DLGAP2: variants seen among roughly 807,000 people sequenced by gnomAD.
DLGAP2 encodes the protein DLG associated protein 2, also known as disks large-associated protein 2.
In DLGAP2, 26 loss-of-function variants were observed where a neutral mutation model predicts 100.3. The observed-to-expected ratio is 0.26, with a 90% CI of 0.19 to 0.36. The LOEUF (loss-of-function observed/expected upper bound fraction) is 0.36, where lower values mean the gene tolerates loss of function less well. Among genes scored for constraint, DLGAP2 ranks in the 10% least tolerant of loss-of-function variants. The pLI, the probability that DLGAP2 is intolerant of heterozygous loss-of-function variation, is 1.00. For synonymous variants in DLGAP2, 886 were observed against 630.1 expected, an observed-to-expected ratio of 1.41 and a Z score of -6.08; for missense variants, 1,858 against 1,453.2, an observed-to-expected ratio of 1.28 and a Z score of -4.53.
intron 2 of DLGAP2, among the ~76,000 whole-genome samples, chr8:1,093,764 C>T (rs969521783): frequency 2.6e-5 from 4 of 152,010 alleles, no homozygotes; most frequent in Admixed American, 6.6e-5. Flanking sequence ...TCTCTGGGCA[C>T]CATGGCCCAC....
chr8:1,358,062 G>A (rs1282815024), intron 3 of DLGAP2, among the ~76,000 whole-genome samples: 1 of 152,302 alleles, frequency 6.6e-6, no homozygotes, highest in South Asian at 2.1e-4. Flanking sequence ...AGGAGTGGGG[G>A]CACAGGCAGC....
At chr8:1,301,626 A>G (rs11783349) in intron 3 of DLGAP2, 60,641 of 152,076 alleles carry the variant, frequency 0.4, 12,452 homozygotes, top group East Asian at 0.55. Context: ...GGGAGAGGGT[A>G]GAGGATAAGG....
chr8:1,346,817 G>A (rs1010625235), intron 3 of DLGAP2, among the ~76,000 whole-genome samples: 1 of 151,500 alleles, frequency 6.6e-6, no homozygotes, highest in Non-Finnish European at 1.5e-5. Context: ...TGGAGGTTGC[G>A]TTCCCATACA....
chr8:782,978 C>T (rs907196668), intron 1 of DLGAP2, among the ~76,000 whole-genome samples: 2 of 152,176 alleles, frequency 1.3e-5, no homozygotes, highest in African/African-American at 4.8e-5. Context: ...GGATGGACGG[C>T]TGTGTCTGCA....
chr8:1,441,252 A>G (rs75149438), intron 3 of DLGAP2, among the ~76,000 whole-genome samples: 1 of 152,194 alleles, frequency 6.6e-6, no homozygotes, highest in East Asian at 1.9e-4. Context: ...TTAATTATGT[A>G]TATACTGCTT....
At position 1,586,654 on chromosome 8, in the gene DLGAP2, C is replaced by T. The variant is rs559916380; in HGVS notation, c.1442+20760C>T. Among the ~76,000 whole-genome samples the T allele has an allele frequency of 6.0e-4, 91 of 152,286 alleles. No homozygotes were observed. In the South Asian group the frequency reaches 0.015, roughly 25 times the overall value. On this transcript the variant is annotated intron_variant, in intron 6 of 14. Transcript: ENST00000637795. ...GTGGAAGGCCCTAGGGGTCAGAGTC[C>T]CGCCTGCAGAGGTACCACGTGCGTC...
Position 1,417,346 on chromosome 8 carries a change from T to C in DLGAP2, c.107-84020T>C, listed in dbSNP as rs79683292. Among the ~76,000 whole-genome samples the C allele has an allele frequency of 6.1e-3, 922 of 152,020 alleles. 13 individuals are homozygous for C. Among genetic ancestry groups the C allele is most frequent in the African/African-American group, 0.021 (850 of 41,304 alleles). On this transcript the variant is annotated intron_variant, in intron 3 of 14. Transcript: ENST00000637795. ...TCGACAGCATCTCACCGCATGTTCA[T>C]AGAAGCCCTTGAAGCTAGCAGCACT... is the stretch of plus-strand genomic sequence containing the variant.
intron 3 of DLGAP2, among the ~76,000 whole-genome samples, chr8:1,375,122 T>TTCTCAAATAAGACA: frequency 6.9e-6 from 1 of 144,324 alleles, no homozygotes; most frequent in Non-Finnish European, 1.5e-5. Context: ...ACATTTGGGT[T>TTCTCAAATAAGACA]AACGACACCT....
At chr8:749,051 A>G (rs1381206129) in intron 1 of DLGAP2, among the ~76,000 whole-genome samples, 1 of 152,156 alleles carries the variant, frequency 6.6e-6, no homozygotes, top group Non-Finnish European at 1.5e-5. Context: ...CCAGGCTGGA[A>G]TGCAGGGGCA....
chr8:1,108,969 G>A (rs180675900), intron 2 of DLGAP2, among the ~76,000 whole-genome samples: 25 of 140,684 alleles, frequency 1.8e-4, no homozygotes, highest in African/African-American at 6.7e-4. Flanking sequence ...TGTGAGGTGT[G>A]TACGGGTCTG....
At chr8:1,311,785 C>T (rs372586922) in intron 3 of DLGAP2, among the ~76,000 whole-genome samples, 6 of 151,816 alleles carry the variant, frequency 4.0e-5, no homozygotes, top group Non-Finnish European at 5.9e-5. Context: ...AAGCCACAGC[C>T]AAGACATCCA....
At chr8:1,580,310 C>T (rs2029972347) in intron 6 of DLGAP2, among the ~76,000 whole-genome samples, 1 of 152,172 alleles carries the variant, frequency 6.6e-6, no homozygotes, top group South Asian at 2.1e-4. Context: ...GGAAAGACCA[C>T]AGATGGGGTT....
At chr8:945,694 T>C (rs141029394) in intron 2 of DLGAP2, among the ~76,000 whole-genome samples, 3 of 152,336 alleles carry the variant, frequency 2.0e-5, no homozygotes, top group African/African-American at 7.2e-5. Flanking sequence ...GTCATTTCTT[T>C]AGCAGCATCT....
At chr8:777,521 C>G (rs1236376656) in intron 1 of DLGAP2, among the ~76,000 whole-genome samples, 1 of 151,812 alleles carries the variant, frequency 6.6e-6, no homozygotes, top group Non-Finnish European at 1.5e-5. Context: ...GCGCTTCCTT[C>G]AGGAGCTCTT....
intron 2 of DLGAP2, among the ~76,000 whole-genome samples, chr8:1,201,354 G>A: frequency 6.6e-6 from 1 of 152,176 alleles, no homozygotes; most frequent in East Asian, 1.9e-4. Context: ...CCGCTCAGGG[G>A]CCGTGGGGCA....
chr8:1,649,334 CT>C lies in DLGAP2; in HGVS notation c.1810+16290del, dbSNP rs369390790. ...ATACCCAGTGTGTAAATTCTTTTTG[CT>C]TCTTCAAAGCTACCAGAACACTCAA... On this transcript the variant is annotated intron_variant, in intron 8 of 14. Transcript: ENST00000637795. 1.1e-4 allele frequency among the ~76,000 whole-genome samples: 11 copies of C among 97,888 alleles called. No homozygotes were observed. The East Asian group carries it at 3.3e-3, about 29-fold the overall frequency. The allele number at this position is 97,888 out of a possible 152,430, so 64.2% of individuals were successfully genotyped here. A position where few individuals can be genotyped will look rare whatever the true frequency, so the allele number is the denominator to read the frequency against.
In DLGAP2 at chr8:1,047,383, T is replaced by A. The variant is rs929046435; in HGVS notation, c.73+139417T>A. On this transcript the variant is annotated intron_variant, in intron 2 of 14. Transcript: ENST00000637795. ...TTGGAATTTTTTTTGGATTTTGGAA[T>A]ATTTGCATTACACTTACCAGTTAAT... Among the ~76,000 whole-genome samples the A allele has an allele frequency of 5.9e-5, 9 of 152,344 alleles. No homozygotes were observed. In the East Asian group the frequency reaches 1.7e-3, roughly 29 times the overall value.
chr8:1,585,000 A>C (rs1466865194), intron 6 of DLGAP2, among the ~76,000 whole-genome samples: 1 of 151,512 alleles, frequency 6.6e-6, no homozygotes, highest in Non-Finnish European at 1.5e-5. Context: ...TGAAAGACAA[A>C]TTAAAAACTT....
intron 2 of DLGAP2, among the ~76,000 whole-genome samples, chr8:1,203,279 C>A (rs762845899): frequency 6.7e-6 from 1 of 149,792 alleles, no homozygotes; most frequent in Non-Finnish European, 1.5e-5. Flanking sequence ...GTGATGAGGC[C>A]GCCCACCCCT....
Sources: gnomAD v4.1 joint callset for allele counts (sites outside exome capture counted in the v4.1 genomes callset) on GRCh38, gnomAD v4.1.1 for gene constraint, MANE v1.5 for transcripts, NCBI Gene and HGNC (gene_info 2026-07-23, HGNC 2026-07-21) for gene names.